Variants in PTPRZ1 observed in about 807,000 individuals in gnomAD.
PTPRZ1 encodes receptor-type tyrosine-protein phosphatase zeta.
PTPRZ1 carries 82 observed loss-of-function variants against 214.1 expected under a neutral mutation model. The ratio of observed to expected loss-of-function variants is 0.38; its 90% CI spans 0.32 to 0.46. The LOEUF (loss-of-function observed/expected upper bound fraction) is 0.46, where lower values mean the gene tolerates loss of function less well. PTPRZ1 is among the 20% of genes least tolerant of loss of function. The probability of loss-of-function intolerance (pLI) is 1.00; values close to 1 mark genes in which losing one functional copy is unlikely to be tolerated. For synonymous variants in PTPRZ1, 945 were observed against 987.9 expected, an observed-to-expected ratio of 0.96 and a Z score of 0.81; for missense variants, 2,603 against 2,748.7, an observed-to-expected ratio of 0.95 and a Z score of 1.19.
chr7:122,036,747 C>T (rs768775765), intron 18 of PTPRZ1, 65 bp downstream of exon 18: 95 of 1,113,610 alleles, frequency 8.5e-5, no homozygotes, highest in Non-Finnish European at 1.2e-4. Flanking sequence ...TACCATAATG[C>T]CATACATGCA....
chr7:121,935,970 C>G (rs1270115723), intron 2 of PTPRZ1, among the ~76,000 whole-genome samples: 1 of 152,174 alleles, frequency 6.6e-6, no homozygotes, highest in Non-Finnish European at 1.5e-5. Flanking sequence ...TAAAAGAAAT[C>G]TAAGTCTAGG....
At chr7:121,874,709 G>A (rs1793999447) in intron 1 of PTPRZ1, among the ~76,000 whole-genome samples, 1 of 152,050 alleles carries the variant, frequency 6.6e-6, no homozygotes, top group Non-Finnish European at 1.5e-5. Context: ...CCCCACACAC[G>A]GACATAATTT....
In PTPRZ1 at chr7:122,040,430, G is replaced by C. The variant is rs1307389723; in HGVS notation, c.5638-386G>C. On this transcript the variant is annotated intron_variant, in intron 20 of 29. Coordinates refer to ENST00000393386, the MANE Select transcript of PTPRZ1 (RefSeq NM_002851.3). ...TTGAGAAGAATTCTTTATTCTTCAG[G>C]TAACCTATCCTATCAGTCTTTGTTC... Among the ~76,000 whole-genome samples, 22 of 152,284 alleles carry C rather than the reference G, an allele frequency of 1.4e-4. No homozygotes were observed. The East Asian group carries it at 3.9e-3, about 27-fold the overall frequency.
rs185231540 is a variant in PTPRZ1, at chr7:122,037,499, C to T, written c.5367+817C>T. On this transcript the variant is annotated intron_variant, in intron 18 of 29. Transcript: ENST00000393386. ...CTGGGACTCTCCAGAGACTGTAGAC[C>T]GCTCACTAACTAAATTGGTTTTTCA... Among the ~76,000 whole-genome samples, 9 of 152,212 alleles carry T rather than the reference C, an allele frequency of 5.9e-5. No homozygotes were observed. In the East Asian group the frequency reaches 1.5e-3, roughly 26 times the overall value.
chr7:121,877,796 C>G (rs1794107765), intron 1 of PTPRZ1, among the ~76,000 whole-genome samples: 1 of 152,130 alleles, frequency 6.6e-6, no homozygotes. Context: ...CCAAATATCT[C>G]TTAATGTGTT....
At chr7:122,053,412 A>G (rs1272292060) in intron 25 of PTPRZ1, among the ~76,000 whole-genome samples, 1 of 152,174 alleles carries the variant, frequency 6.6e-6, no homozygotes, top group Non-Finnish European at 1.5e-5. Context: ...AGACAACTGG[A>G]TCGATCACTT....
At chr7:121,969,686 T>A (rs921955146) in intron 3 of PTPRZ1, among the ~76,000 whole-genome samples, 1 of 152,074 alleles carries the variant, frequency 6.6e-6, no homozygotes, top group Non-Finnish European at 1.5e-5. Flanking sequence ...CATGTAATAA[T>A]TACCTAAAAG....
intron 2 of PTPRZ1, among the ~76,000 whole-genome samples, chr7:121,962,541 G>C (rs2116492892): frequency 6.6e-6 from 1 of 151,832 alleles, no homozygotes; most frequent in East Asian, 1.9e-4. Context: ...TGTATTTAAT[G>C]GTTCTTTTGT....
In PTPRZ1 at chr7:121,976,229, A is replaced by G; in HGVS notation, c.513A>G (p.Lys171=). ...DRFSSFEEAV[K]GKGKLRALSI... ...TTTCAAGTTTTGAGGAAGCAGTCAA[A>G]GGAAAAGGGAAGTTAAGAGCTTTAT... Residue 171 remains lysine, a synonymous_variant, in exon 5 of 30, where the codon AAA becomes AAG. Transcript: ENST00000393386. 1 of 1,609,028 alleles carries G rather than the reference A, an allele frequency of 6.2e-7. No homozygotes were observed.
intron 1 of PTPRZ1, among the ~76,000 whole-genome samples, chr7:121,885,033 T>A (rs935209860): frequency 6.6e-6 from 1 of 152,248 alleles, no homozygotes; most frequent in African/African-American, 2.4e-5. Context: ...TCACTTTAGG[T>A]TATTTGGTTA....
intron 1 of PTPRZ1, among the ~76,000 whole-genome samples, chr7:121,876,214 CT>C (rs1418927299): frequency 6.6e-6 from 1 of 152,144 alleles, no homozygotes. Context: ...ACAAATTTTT[CT>C]TGACCCACTG....
intron 13 of PTPRZ1, among the ~76,000 whole-genome samples, chr7:122,023,019 CA>C (rs1294507155): frequency 6.6e-6 from 1 of 152,066 alleles, no homozygotes; most frequent in Non-Finnish European, 1.5e-5. Flanking sequence ...TATTCACATA[CA>C]AAAAGTCAAA....
At chr7:121,950,094 C>T (rs968729857) in intron 2 of PTPRZ1, among the ~76,000 whole-genome samples, 2 of 152,076 alleles carry the variant, frequency 1.3e-5, no homozygotes, top group Non-Finnish European at 2.9e-5. Context: ...ACAATTATGG[C>T]GGAAGGCAAG....
chr7:122,041,089 G>T, intron 21 of PTPRZ1, 110 bp downstream of exon 21: 1 of 1,019,132 alleles, frequency 9.8e-7, no homozygotes. Context: ...TGAAATGAGG[G>T]TGATGAAATT....
At chr7:121,903,486 G>T (rs1268742270) in intron 1 of PTPRZ1, among the ~76,000 whole-genome samples, 1 of 152,110 alleles carries the variant, frequency 6.6e-6, no homozygotes, top group Non-Finnish European at 1.5e-5. Flanking sequence ...CAAACAAATT[G>T]AAAGAAAAGC....
rs1799649916 is a variant in PTPRZ1, at chr7:122,039,483, T to C, written c.5532T>C (p.Asp1844=). The change falls in exon 20 of 30, where the codon GAT becomes GAC. Residue 1844 remains aspartate (D), a synonymous_variant. Coordinates refer to ENST00000393386, the MANE Select transcript of PTPRZ1 (RefSeq NM_002851.3). ...AATGTGATCAGTACTGGCCTGCCGA[T>C]GGGAGTGAGGAGTACGGGAACTTTC... ...RRKCDQYWPA[D]GSEEYGNFLV... 6.2e-7 allele frequency: 1 copy of C among 1,614,016 alleles called. No individual in the cohort carries two copies. The highest frequency in any genetic ancestry group is 8.5e-7 in the Non-Finnish European group (1 of 1,179,960).
At chr7:121,953,067 T>A (rs1279544971) in intron 2 of PTPRZ1, among the ~76,000 whole-genome samples, 3 of 152,264 alleles carry the variant, frequency 2.0e-5, no homozygotes, top group African/African-American at 7.2e-5. Context: ...TTTGAAAAAA[T>A]TATCTCTAAT....
chr7:122,018,363 C>T (rs528281501), intron 12 of PTPRZ1, among the ~76,000 whole-genome samples: 3 of 152,272 alleles, frequency 2.0e-5, no homozygotes, highest in South Asian at 4.1e-4. Flanking sequence ...AGTGCTAGTA[C>T]AGTAATGTAC....
chr7:121,877,666 A>G (rs558492027), intron 1 of PTPRZ1, among the ~76,000 whole-genome samples: 1 of 152,158 alleles, frequency 6.6e-6, no homozygotes, highest in Non-Finnish European at 1.5e-5. Flanking sequence ...ACATACAGAG[A>G]CTTAAACTCA....
Sources: gnomAD v4.1 joint callset for allele counts (sites outside exome capture counted in the v4.1 genomes callset) on GRCh38, gnomAD v4.1.1 for gene constraint, MANE v1.5 for transcripts, NCBI Gene and HGNC (gene_info 2026-07-23, HGNC 2026-07-21) for gene names.